Variants in GALNT13 observed in about 807,000 individuals in gnomAD.
GALNT13 encodes polypeptide N-acetylgalactosaminyltransferase 13.
A neutral mutation model predicts 64.2 loss-of-function variants in GALNT13; 28 were observed. That is an observed-to-expected ratio of 0.44 (90% CI 0.32 to 0.60). The LOEUF is 0.60. GALNT13 is among the 20% of genes least tolerant of loss of function. The pLI, the probability that GALNT13 is intolerant of heterozygous loss-of-function variation, is 0.05. For missense variants in GALNT13, 577 were observed against 669.8 expected, an observed-to-expected ratio of 0.86 and a Z score of 1.53; for synonymous variants, 214 against 224.6, an observed-to-expected ratio of 0.95 and a Z score of 0.42.
chr2:153,662,271 C>G, the GALNT13 span, among the ~76,000 whole-genome samples: 1 of 152,194 alleles, frequency 6.6e-6, no homozygotes, highest in Non-Finnish European at 1.5e-5. Context: ...GTCCAGATCT[C>G]CTGATATGAT....
intron 8 of GALNT13, among the ~76,000 whole-genome samples, chr2:154,276,885 G>A (rs1201348089): frequency 6.6e-6 from 1 of 152,170 alleles, no homozygotes; most frequent in East Asian, 1.9e-4. Context: ...CTGCTACCAT[G>A]TGAAGAAGGA....
chr2:153,414,571 C>T, the GALNT13 span, among the ~76,000 whole-genome samples: 7 of 149,846 alleles, frequency 4.7e-5, no homozygotes, highest in South Asian at 6.3e-4. Flanking sequence ...AATGCATACA[C>T]GTCATTCAAA....
chr2:153,338,118 C>T, the GALNT13 span, among the ~76,000 whole-genome samples: 5 of 150,560 alleles, frequency 3.3e-5, no homozygotes, highest in Non-Finnish European at 7.4e-5. Flanking sequence ...TATTGAGGCC[C>T]CCATCTCTAC....
chr2:153,341,194 A>G, the GALNT13 span, among the ~76,000 whole-genome samples: 1 of 152,212 alleles, frequency 6.6e-6, no homozygotes, highest in Admixed American at 6.5e-5. Context: ...TAAGGATAAT[A>G]ATAAGTATTG....
the GALNT13 span, among the ~76,000 whole-genome samples, chr2:153,635,281 T>C: frequency 1.8e-4 from 28 of 151,830 alleles, 1 homozygote; most frequent in Admixed American, 1.6e-3. Context: ...GTACACTACC[T>C]TTCCACAATG....
chr2:153,714,559 T>A, the GALNT13 span, among the ~76,000 whole-genome samples: 1 of 152,198 alleles, frequency 6.6e-6, no homozygotes, highest in Non-Finnish European at 1.5e-5. Context: ...CCAATTTTTT[T>A]AATGGTGAAA....
At chr2:153,740,674 TG>T in the GALNT13 span, among the ~76,000 whole-genome samples, 1 of 152,110 alleles carries the variant, frequency 6.6e-6, no homozygotes, top group African/African-American at 2.4e-5. Flanking sequence ...TGTCTGGTAA[TG>T]TTCCTTCGGA....
At chr2:153,596,295 A>T in the GALNT13 span, among the ~76,000 whole-genome samples, 1 of 152,192 alleles carries the variant, frequency 6.6e-6, no homozygotes, top group African/African-American at 2.4e-5. Context: ...TGATGAAATC[A>T]GTCAGAGAGC....
chr2:154,352,076 T>C (rs1464048291), intron 9 of GALNT13, among the ~76,000 whole-genome samples: 1 of 152,212 alleles, frequency 6.6e-6, no homozygotes, highest in Admixed American at 6.5e-5. Context: ...ATATATTCTT[T>C]TAGAGAATGT....
the GALNT13 span, among the ~76,000 whole-genome samples, chr2:153,464,508 G>A: frequency 1.1e-4 from 17 of 152,040 alleles, no homozygotes; most frequent in Admixed American, 7.2e-4. Flanking sequence ...TATTCTTCCG[G>A]GCTATGTTTA....
chr2:154,104,203 G>A (rs962459512), intron 3 of GALNT13, among the ~76,000 whole-genome samples: 7 of 151,450 alleles, frequency 4.6e-5, no homozygotes. Context: ...TTCCATGGGG[G>A]TGGGGGGATG....
the GALNT13 span, among the ~76,000 whole-genome samples, chr2:153,726,966 A>G: frequency 6.6e-6 from 1 of 151,834 alleles, no homozygotes; most frequent in African/African-American, 2.4e-5. Flanking sequence ...ACAAAAAAAA[A>G]ACCACACATA....
At chr2:153,178,419 T>C in the GALNT13 span, among the ~76,000 whole-genome samples, 2 of 152,210 alleles carry the variant, frequency 1.3e-5, no homozygotes, top group African/African-American at 4.8e-5. Flanking sequence ...TGTGAGGTGA[T>C]ATCTCATTGT....
rs886230664 is a variant in GALNT13 at position 154,021,627 on chromosome 2, T to A, written c.142+76988T>A. 3.3e-5 allele frequency among the ~76,000 whole-genome samples: 5 copies of A among 151,890 alleles called. No individual in the cohort carries two copies. The East Asian group carries it at 5.8e-4, about 18-fold the overall frequency. On this transcript the variant is annotated intron_variant, in intron 3 of 12. Coordinates refer to ENST00000392825, the MANE Select transcript of GALNT13 (RefSeq NM_052917.4). ...CTGAGACATTGGGGTTTTCTAGATA[T>A]ACAATCATGTCATCTGCAAACAGGG...
At chr2:154,405,785 G>A (rs1699507170) in intron 10 of GALNT13, among the ~76,000 whole-genome samples, 1 of 151,868 alleles carries the variant, frequency 6.6e-6, no homozygotes, top group African/African-American at 2.4e-5. Flanking sequence ...TTGTGAAAAG[G>A]AACACTACAT....
At chr2:153,551,416 GAGACC>G in the GALNT13 span, among the ~76,000 whole-genome samples, 1 of 152,198 alleles carries the variant, frequency 6.6e-6, no homozygotes, top group Non-Finnish European at 1.5e-5. Context: ...AGACCGTATG[GAGACC>G]AGGGCAGAAT....
chr2:153,521,190 A>T, the GALNT13 span, among the ~76,000 whole-genome samples: 15 of 152,180 alleles, frequency 9.9e-5, no homozygotes, highest in East Asian at 2.5e-3. Flanking sequence ...AGCTCCAAAC[A>T]TTCTTTTAAC....
chr2:154,369,507 C>T (rs1018590622), intron 9 of GALNT13, among the ~76,000 whole-genome samples: 12 of 152,150 alleles, frequency 7.9e-5, no homozygotes, highest in Non-Finnish European at 1.6e-4. Context: ...ACATAGCTTC[C>T]TCAAACCATT....
intron 4 of GALNT13, among the ~76,000 whole-genome samples, chr2:154,166,138 T>C (rs1350299900): frequency 6.6e-6 from 1 of 152,142 alleles, no homozygotes. Context: ...GGCACTGTGG[T>C]TCATGCCTGT....
Sources: gnomAD v4.1 joint callset for allele counts (sites outside exome capture counted in the v4.1 genomes callset) on GRCh38, gnomAD v4.1.1 for gene constraint, MANE v1.5 for transcripts, NCBI Gene and HGNC (gene_info 2026-07-23, HGNC 2026-07-21) for gene names.